The following KDM2B variants were observed in gnomAD, a reference collection of about 807,000 sequenced individuals.
KDM2B encodes lysine-specific demethylase 2B.
In KDM2B, 26 loss-of-function variants were observed where a neutral mutation model predicts 150.0. The observed-to-expected ratio is 0.17, with a 90% CI of 0.13 to 0.24. The LOEUF is 0.24. Ranked by LOEUF, KDM2B falls within the 10% of genes least tolerant of loss-of-function variation. The pLI is 1.00. For synonymous variants in KDM2B, 734 were observed against 729.5 expected, an observed-to-expected ratio of 1.01 and a Z score of -0.10; for missense variants, 1,265 against 1,816.9, an observed-to-expected ratio of 0.70 and a Z score of 5.52.
In KDM2B at chr12:121,431,217, C is replaced by T. The variant is rs555153221; in HGVS notation, c.3830-748G>A. ...TGCACTCTTGGCTCACTGCAACCTC[C>T]GCCTCCCAGGTTTAAGTGATTCTCC... On this transcript the variant is annotated intron_variant, in intron 22 of 22. Transcript: ENST00000377071. Among the ~76,000 whole-genome samples, 124 of 152,050 alleles carry T rather than the reference C, an allele frequency of 8.2e-4. 1 individual carries two copies. Among genetic ancestry groups the T allele is most frequent in the African/African-American group, 2.8e-3 (115 of 41,436 alleles).
rs374042153 is a variant in KDM2B, at chr12:121,509,784, G to A, written c.1430C>T (p.Ser477Leu). 312 of 1,613,942 alleles carry A rather than the reference G, an allele frequency of 1.9e-4. No homozygotes were observed. Among genetic ancestry groups the A allele is most frequent in the Admixed American group, 2.5e-4 (15 of 59,990 alleles). Reference protein sequence around the residue: ...RFLKRTLSNESEESVKSTTLA... With the variant: ...RFLKRTLSNELEESVKSTTLA... ...TGTGGTGGACTTCACACTTTCCTCC[G>A]ACTCATTAGACAAAGTCCTTTTGAG... The change falls in exon 11 of 23, where the codon TCG (serine) becomes TTG (leucine). Residue 477 changes from serine (S) to leucine (L), a missense_variant. By Grantham distance (145) the Ser-to-Leu change is moderately radical. This residue lies in a region of KDM2B where 154 missense variants were observed against 162.5 expected (regional missense o/e 0.95). Transcript: ENST00000377071.
chr12:121,570,465 G>A (rs533786341), intron 4 of KDM2B, among the ~76,000 whole-genome samples: 13 of 152,272 alleles, frequency 8.5e-5, no homozygotes, highest in Non-Finnish European at 1.6e-4. Flanking sequence ...GAACTAGCAG[G>A]TGTGAGCCAC....
intron 12 of KDM2B, among the ~76,000 whole-genome samples, chr12:121,477,526 G>C (rs1399249534): frequency 4.0e-5 from 6 of 151,358 alleles, no homozygotes; most frequent in African/African-American, 1.5e-4. Flanking sequence ...TAGGACTACA[G>C]GTGCATGCCA....
At chr12:121,486,333 C>T (rs1351546812) in intron 12 of KDM2B, among the ~76,000 whole-genome samples, 24 of 59,004 alleles carry the variant, frequency 4.1e-4, no homozygotes, top group South Asian at 9.1e-4. Context: ...TTTCGAACTC[C>T]TTTTTTTTTT....
chr12:121,423,330 G>A, the KDM2B span: 161 of 1,429,788 alleles, frequency 1.1e-4, no homozygotes, highest in Admixed American at 5.8e-4. This position sits in a 1 kb window ranked among gnomAD's most constrained non-coding sequence, Gnocchi z 4.3. Flanking sequence ...CTGGGAGGGT[G>A]GCTGGCTGAC....
At chr12:121,438,829 G>T (rs1396241621) in intron 22 of KDM2B, among the ~76,000 whole-genome samples, 3 of 149,436 alleles carry the variant, frequency 2.0e-5, no homozygotes, top group Non-Finnish European at 4.4e-5. Flanking sequence ...ATTTCTAAGG[G>T]TAAAAAAAAA....
At position 121,513,074 on chromosome 12, in the gene KDM2B, A is replaced by G. The variant is rs1885731664; in HGVS notation, c.1174+202T>C. ...GGCCACACACGTGACTCTTTTGGGG[A>G]TCCGAATTCATTTTCTTGGACTCTG... On this transcript the variant is annotated intron_variant, in intron 10 of 22. Transcript: ENST00000377071. This position sits in a 1 kb window ranked among gnomAD's most constrained non-coding sequence, Gnocchi z 5.0. 6.6e-6 allele frequency among the ~76,000 whole-genome samples: 1 copy of G among 152,216 alleles called. No individual in the cohort carries two copies. The highest frequency in any genetic ancestry group is 6.5e-5 in the Admixed American group (1 of 15,288).
chr12:121,412,599 G>A, the KDM2B span, among the ~76,000 whole-genome samples: 1 of 151,870 alleles, frequency 6.6e-6, no homozygotes, highest in Middle Eastern at 3.4e-3. Flanking sequence ...GTCCAGTCTC[G>A]AACTCCTGAC....
intron 12 of KDM2B, among the ~76,000 whole-genome samples, chr12:121,488,772 C>T (rs1486140433): frequency 6.6e-6 from 1 of 151,500 alleles, no homozygotes; most frequent in African/African-American, 2.4e-5. Context: ...CAGGTGCCCA[C>T]CACCAGGCCT....
chr12:121,517,767 T>C (rs765880878), intron 9 of KDM2B, among the ~76,000 whole-genome samples: 55 of 147,770 alleles, frequency 3.7e-4, no homozygotes, highest in Non-Finnish European at 7.5e-4. Context: ...CACCGGCGCC[T>C]GGCCAGGCAA....
chr12:121,452,548 T>A lies in KDM2B; in HGVS notation c.1959+572A>T, dbSNP rs1877470226. Among the ~76,000 whole-genome samples, 1 of 152,186 alleles carries A rather than the reference T, an allele frequency of 6.6e-6. No homozygotes were observed. Among genetic ancestry groups the A allele is most frequent in the Non-Finnish European group, 1.5e-5 (1 of 68,036 alleles). On this transcript the variant is annotated intron_variant, in intron 13 of 22. Transcript: ENST00000377071. The surrounding 1 kb of genome is among the most constrained non-coding windows in gnomAD (Gnocchi z 4.4). Reference sequence around the variant, plus strand: ...AGCGCCCTGAGGAAGGCAGAGCATGTGGGTGTGTACAAGGGAATTCAAGGG... The same window carrying A: ...AGCGCCCTGAGGAAGGCAGAGCATGAGGGTGTGTACAAGGGAATTCAAGGG...
intron 4 of KDM2B, among the ~76,000 whole-genome samples, chr12:121,561,327 G>C (rs73407667): frequency 0.024 from 3,579 of 152,176 alleles, 116 homozygotes; most frequent in African/African-American, 0.07. Flanking sequence ...ACCTTCTCCA[G>C]CATCCTCACA....
intron 4 of KDM2B, among the ~76,000 whole-genome samples, chr12:121,553,306 C>G (rs1454609180): frequency 6.6e-6 from 1 of 152,024 alleles, no homozygotes; most frequent in African/African-American, 2.4e-5. Context: ...CCTCCACCCA[C>G]TTCTCCTCCC....
At chr12:121,448,513 A>G (rs1876685281) in intron 13 of KDM2B, among the ~76,000 whole-genome samples, 1 of 151,994 alleles carries the variant, frequency 6.6e-6, no homozygotes, top group Non-Finnish European at 1.5e-5. Flanking sequence ...GAAGTGTGAG[A>G]ACTTGATGCA....
At chr12:121,567,718 T>C (rs1223710618) in intron 4 of KDM2B, among the ~76,000 whole-genome samples, 1 of 147,962 alleles carries the variant, frequency 6.8e-6, no homozygotes, top group Non-Finnish European at 1.5e-5. Flanking sequence ...TTTTTTTTTT[T>C]TTTTTTTTTT....
chr12:121,440,307 A>C, intron 21 of KDM2B: 1 of 560,110 alleles, frequency 1.8e-6, no homozygotes. Flanking sequence ...CACTATGCCC[A>C]CATTCCACCC....
chr12:121,437,442 G>T (rs1214809676), intron 22 of KDM2B, among the ~76,000 whole-genome samples: 1 of 151,568 alleles, frequency 6.6e-6, no homozygotes, highest in Non-Finnish European at 1.5e-5. Flanking sequence ...GGGAGGGAAG[G>T]ATACAACAGT....
In KDM2B at chr12:121,546,647, C is replaced by T. The variant is rs1353525824; in HGVS notation, c.683+2230G>A. 2.0e-5 allele frequency among the ~76,000 whole-genome samples: 3 copies of T among 151,338 alleles called. No individual in the cohort carries two copies. In the East Asian group the frequency reaches 5.8e-4, roughly 29 times the overall value. ...CTCGATCTCCTGACCTCGTGATCTG[C>T]CCACCTCGGCCTCCCAAAGTGCTGG... On this transcript the variant is annotated intron_variant, in intron 6 of 22. Coordinates refer to ENST00000377071, the MANE Select transcript of KDM2B (RefSeq NM_032590.5).
chr12:121,464,975 C>G (rs1437391495), intron 12 of KDM2B, among the ~76,000 whole-genome samples: 2 of 152,128 alleles, frequency 1.3e-5, no homozygotes, highest in Admixed American at 1.3e-4. Context: ...GAGAGTGTCC[C>G]CCAACTACGG....
Sources: allele counts gnomAD v4.1 joint callset (sites outside exome capture counted in the v4.1 genomes callset), GRCh38; gene constraint gnomAD v4.1.1; regional missense constraint gnomAD v4.1.1; non-coding constraint Gnocchi (gnomAD v3.1); transcripts MANE v1.5; gene names NCBI Gene and HGNC (gene_info 2026-07-23, HGNC 2026-07-21).